The following DCLRE1C variants were observed in gnomAD, a reference collection of about 807,000 sequenced individuals.
DCLRE1C encodes protein artemis.
DCLRE1C carries 47 observed loss-of-function variants against 61.4 expected under a neutral mutation model. The observed-to-expected ratio is 0.77, with a 90% confidence interval of 0.61 to 0.98. The LOEUF (loss-of-function observed/expected upper bound fraction) is 0.98. DCLRE1C is among the 50% of genes least tolerant of loss of function. The pLI is 0.00. For synonymous variants in DCLRE1C, 337 were observed against 287.6 expected, an observed-to-expected ratio of 1.17 and a Z score of -1.74; for missense variants, 858 against 816.0, an observed-to-expected ratio of 1.05 and a Z score of -0.63.
At chr10:14,943,714 AT>A (rs1013620033) in intron 3 of DCLRE1C, among the ~76,000 whole-genome samples, 3 of 151,764 alleles carry the variant, frequency 2.0e-5, no homozygotes, top group Admixed American at 2.0e-4. Context: ...ACCACACCCA[AT>A]TTTTTGCATT....
rs1203853234 is a variant in DCLRE1C, at chr10:14,908,009, G to GA, written c.*398dup. The GA allele has an allele frequency of 5.8e-6, 1 of 173,504 alleles. No individual in the cohort carries two copies. Among genetic ancestry groups the GA allele is most frequent in the African/African-American group, 2.4e-5 (1 of 41,318 alleles). 10.7% of individuals were successfully genotyped at this position (173,504 alleles called of 1,614,324 possible). A position where few individuals can be genotyped will look rare whatever the true frequency, so the allele number is the denominator to read the frequency against. ...CCTGCGTAGCTGGGATTACAGGCAT[G>GA]AGCCACCGTGCCTGGCCTTTTTCTT... On this transcript the variant is annotated 3_prime_UTR_variant, in exon 14 of 14. Coordinates refer to ENST00000378278, the MANE Select transcript of DCLRE1C (RefSeq NM_001033855.3).
At chr10:14,937,712 G>A (rs899214557) in intron 4 of DCLRE1C, among the ~76,000 whole-genome samples, 2 of 151,942 alleles carry the variant, frequency 1.3e-5, no homozygotes, top group Non-Finnish European at 2.9e-5. Context: ...CCAACATGGC[G>A]AAACCCTGTC....
rs755622031 is a variant in DCLRE1C, at chr10:14,908,986, C to A, written c.1501G>T (p.Asp501Tyr). The change falls in exon 14 of 14, where the codon GAT (aspartate) becomes TAT (tyrosine). Residue 501 changes from aspartate (D) to tyrosine (Y), a missense_variant. By Grantham distance (160) the Asp-to-Tyr change is radical. Transcript: ENST00000378278. ...VFFKRNDEIT[D>Y]ESLENFPSST... ...GAAGGGAAGTTTTCCAAACTCTCAT[C>A]TGTGATTTCATCATTTCTTTTAAAG... 6.2e-7 allele frequency: 1 copy of A among 1,614,126 alleles called. No individual in the cohort carries two copies. Among genetic ancestry groups the A allele is most frequent in the South Asian group, 1.1e-5 (1 of 91,082 alleles).
At position 14,934,396 on chromosome 10, in the gene DCLRE1C, T is replaced by C. The variant is rs752880501; in HGVS notation, c.662A>G (p.Glu221Gly). The C allele has an allele frequency of 4.3e-6, 7 of 1,613,714 alleles. No individual in the cohort carries two copies. The South Asian group carries it at 6.6e-5, about 15-fold the overall frequency. ...TCACCATACCTGGACTCCTAATTCT[T>C]CACTAAGGTTGGTGAACAGATATTC... Reference protein sequence around the residue: ...GYEYLFTNLSEELGVQVHVNK... With the variant: ...GYEYLFTNLSGELGVQVHVNK... Residue 221 changes from glutamate to glycine, a missense_variant, in exon 8 of 14, where the codon GAA (glutamate) becomes GGA (glycine). By Grantham distance (98) the Glu-to-Gly change is moderately conservative. Coordinates refer to ENST00000378278, the MANE Select transcript of DCLRE1C (RefSeq NM_001033855.3).
chr10:14,947,879 G>T (rs1056777343), intron 2 of DCLRE1C, among the ~76,000 whole-genome samples: 1 of 152,108 alleles, frequency 6.6e-6, no homozygotes, highest in Non-Finnish European at 1.5e-5. Flanking sequence ...GGCGAACATG[G>T]TAAAACCCCT....
intron 3 of DCLRE1C, among the ~76,000 whole-genome samples, chr10:14,943,606 G>A (rs910276429): frequency 2.9e-4 from 44 of 152,338 alleles, no homozygotes; most frequent in African/African-American, 1.0e-3. Context: ...AGGCTGGAGT[G>A]TAGTGGCACG....
chr10:14,915,274 A>G (rs1290914420), intron 13 of DCLRE1C, among the ~76,000 whole-genome samples: 1 of 152,110 alleles, frequency 6.6e-6, no homozygotes, highest in Non-Finnish European at 1.5e-5. Flanking sequence ...GCAGATAAAG[A>G]TCAGAGTGGA....
At position 14,916,582 on chromosome 10, in the gene DCLRE1C, A is replaced by G. The variant is rs183297091; in HGVS notation, c.1156+3156T>C. Among the ~76,000 whole-genome samples, 37 of 152,346 alleles carry G rather than the reference A, an allele frequency of 2.4e-4. No individual in the cohort carries two copies. In the East Asian group the frequency reaches 4.8e-3, roughly 20 times the overall value. On this transcript the variant is annotated intron_variant, in intron 13 of 13. Coordinates refer to ENST00000378278, the MANE Select transcript of DCLRE1C (RefSeq NM_001033855.3). ...CAAAATCCAAAACACTTCTGCTCCC[A>G]AGCATTTTGAATAAGGGACACTCAG...
At chr10:14,946,492 G>T (rs1403388949) in intron 2 of DCLRE1C, among the ~76,000 whole-genome samples, 1 of 152,086 alleles carries the variant, frequency 6.6e-6, no homozygotes, top group South Asian at 2.1e-4. Flanking sequence ...TTGAACCTGG[G>T]CAGTTTTCTG....
chr10:14,938,406 T>C (rs1840331263), intron 4 of DCLRE1C, among the ~76,000 whole-genome samples: 1 of 152,170 alleles, frequency 6.6e-6, no homozygotes, highest in Non-Finnish European at 1.5e-5. Flanking sequence ...CAGGATAATT[T>C]GATGGGAAGA....
chr10:14,936,585 C>A lies in DCLRE1C; in HGVS notation c.315G>T (p.Glu105Asp). The change falls in exon 5 of 14, where the codon GAG becomes GAT. Residue 105 changes from glutamate to aspartate, a missense_variant. By Grantham distance (45) the Glu-to-Asp change is conservative (BLOSUM62 2). This residue lies in a region of DCLRE1C where 843 missense variants were observed against 783.5 expected (regional missense o/e 1.08). Coordinates refer to ENST00000378278, the MANE Select transcript of DCLRE1C (RefSeq NM_001033855.3). ...CAGCTGGTAAGAGAGTCACAACAAT[C>A]TCTTCCTTCTAAAAAGAAAATAAAG... Reference protein sequence around the residue: ...LVDEASGEKEEIVVTLLPAGH... With the variant: ...LVDEASGEKEDIVVTLLPAGH... 1 of 1,612,652 alleles carries A rather than the reference C, an allele frequency of 6.2e-7. No individual in the cohort carries two copies. The highest frequency in any genetic ancestry group is 8.5e-7 in the Non-Finnish European group (1 of 1,178,866).
chr10:14,949,016 C>G lies in DCLRE1C; in HGVS notation c.161+20G>C. ...CAATTAAAATGTTTGCTTAAAAACA[C>G]AAGTAGCAAAATAAATTACCTGCAC... is the stretch of plus-strand genomic sequence containing the variant. On this transcript the variant is annotated intron_variant, in intron 2 of 13. Coordinates refer to ENST00000378278, the MANE Select transcript of DCLRE1C (RefSeq NM_001033855.3). The G allele has an allele frequency of 6.3e-7, 1 of 1,579,424 alleles. No individual in the cohort carries two copies. Among genetic ancestry groups the G allele is most frequent in the Non-Finnish European group, 8.7e-7 (1 of 1,149,290 alleles).
Position 14,923,086 on chromosome 10 carries a change from C to G in DCLRE1C, c.973-17G>C. 1 of 1,572,886 alleles carries G rather than the reference C, an allele frequency of 6.4e-7. No homozygotes were observed. Among genetic ancestry groups the G allele is most frequent in the Non-Finnish European group, 8.8e-7 (1 of 1,142,594 alleles). ...ATCTTTAATCTAGAAAAAGGAAAAT[C>G]ACATGGATCAACAATCTCTACGATG... On this transcript the variant is annotated splice_polypyrimidine_tract_variant and intron_variant, in intron 11 of 13. Coordinates refer to ENST00000378278, the MANE Select transcript of DCLRE1C (RefSeq NM_001033855.3).
Position 14,936,560 on chromosome 10 carries a change from C to G in DCLRE1C, c.340G>C (p.Gly114Arg). ...TACATAACTGATCCCGGACAGTGAC[C>G]AGCTGGTAAGAGAGTCACAACAATC... is the stretch of plus-strand genomic sequence containing the variant. ...EEIVVTLLPAGHCPGSVMFLF... is the reference protein window; with the variant it reads ...EEIVVTLLPARHCPGSVMFLF... The change falls in exon 5 of 14, where the codon GGT becomes CGT. Residue 114 changes from glycine to arginine, a missense_variant. Physicochemically the swap from Gly to Arg is moderately radical, Grantham distance 125. Around this residue, in one of 2 missense-constraint regions of DCLRE1C, gnomAD observed 843 missense variants for 783.5 expected, o/e 1.08. Transcript: ENST00000378278. 1 of 1,613,216 alleles carries G rather than the reference C, an allele frequency of 6.2e-7. No homozygotes were observed. Among genetic ancestry groups the G allele is most frequent in the Non-Finnish European group, 8.5e-7 (1 of 1,179,368 alleles).
At chr10:14,939,528 C>A (rs573247655) in intron 4 of DCLRE1C, among the ~76,000 whole-genome samples, 5 of 151,950 alleles carry the variant, frequency 3.3e-5, no homozygotes, top group South Asian at 2.1e-4. Flanking sequence ...GTCTCTAGAA[C>A]CCTAAGCAAC....
At chr10:14,900,593 G>A (rs889072108), downstream of DCLRE1C, among the ~76,000 whole-genome samples, 6 of 152,252 alleles carry the variant, frequency 3.9e-5, no homozygotes, top group African/African-American at 1.2e-4. Context: ...TGATTCCTTA[G>A]TATGACTCAC....
intron 2 of DCLRE1C, 43 bp downstream of exon 2, chr10:14,948,993 A>G (rs142107861): frequency 1.6e-5 from 23 of 1,406,404 alleles, no homozygotes; most frequent in Middle Eastern, 1.8e-4. Flanking sequence ...TTATCTCTCA[A>G]TTAAAATGTT....
rs764886664 is a variant in DCLRE1C, at chr10:14,908,449, T to A, written c.2038A>T (p.Ile680Leu). The stretch of plus-strand genomic sequence containing the variant: ...GAGCATTTTCTTTTTTTGACTGCTA[T>A]ACTCTCACCAGTTGCCAGCTTCTCA... ...LYEKLATGES[I>L]AVKKRKCSLL... The change falls in exon 14 of 14, where the codon ATA (isoleucine) becomes TTA (leucine). Residue 680 changes from isoleucine (I) to leucine (L), a missense_variant. This residue lies in a region of DCLRE1C where 843 missense variants were observed against 783.5 expected (regional missense o/e 1.08). Transcript: ENST00000378278. The A allele has an allele frequency of 1.2e-6, 2 of 1,613,940 alleles. No individual in the cohort carries two copies. Among genetic ancestry groups the A allele is most frequent in the African/African-American group, 2.7e-5 (2 of 74,900 alleles).
In DCLRE1C at chr10:14,945,142, A is replaced by C; in HGVS notation, c.209T>G (p.Leu70Ter). ...YCSPVTKELL[L>*]TSPKYRFWKK... ...CCAAAATCTGTATTTCGGGCTCGTT[A>C]ACAACAACTCCTTAGTCACAGGTGA... Residue 70 changes from leucine to a stop codon, truncating the protein, a stop_gained, in exon 3 of 14, where the codon TTA becomes TGA. Coordinates refer to ENST00000378278, the MANE Select transcript of DCLRE1C (RefSeq NM_001033855.3). LOFTEE classifies it high-confidence loss of function. 1 of 1,613,050 alleles carries C rather than the reference A, an allele frequency of 6.2e-7. No homozygotes were observed. Among genetic ancestry groups the C allele is most frequent in the Non-Finnish European group, 8.5e-7 (1 of 1,179,594 alleles).
Sources: gnomAD v4.1 joint callset for allele counts (sites outside exome capture counted in the v4.1 genomes callset) on GRCh38, gnomAD v4.1.1 for gene constraint, gnomAD v4.1.1 regional missense constraint, MANE v1.5 for transcripts, NCBI Gene and HGNC (gene_info 2026-07-23, HGNC 2026-07-21) for gene names.